DNAJC24: variants seen among roughly 807,000 people sequenced by gnomAD.
DNAJC24 encodes the protein dnaJ homolog subfamily C member 24.
A neutral mutation model predicts 18.0 loss-of-function variants in DNAJC24; 17 were observed. The observed-to-expected ratio is 0.94, with a 90% CI of 0.65 to 1.42. The LOEUF (loss-of-function observed/expected upper bound fraction) is 1.42. DNAJC24 is among the 40% of genes most tolerant of loss of function. DNAJC24 has a pLI of 0.00. For synonymous variants in DNAJC24, 55 were observed against 57.7 expected (o/e 0.95, Z 0.21); for missense variants, 158 against 175.6 (o/e 0.90, Z 0.57).
chr11:31,407,687 A>C (rs1952668576), intron 2 of DNAJC24: 2 of 116,120 alleles, frequency 1.7e-5, no homozygotes, highest in Admixed American at 1.0e-4. Context: ...CCCATCTCAA[A>C]AAAAAAAAAA....
At chr11:31,420,644 A>C (rs1181489200) in intron 3 of DNAJC24, among the ~76,000 whole-genome samples, 1 of 152,154 alleles carries the variant, frequency 6.6e-6, no homozygotes, top group African/African-American at 2.4e-5. Context: ...AGTTCTTTTA[A>C]ACATTGTTTA....
At chr11:31,388,176 G>A (rs764022051) in intron 2 of DNAJC24, among the ~76,000 whole-genome samples, 3 of 152,166 alleles carry the variant, frequency 2.0e-5, no homozygotes, top group African/African-American at 4.8e-5. Flanking sequence ...GAGGTAGAGA[G>A]AGAGAGGCGT....
At chr11:31,400,859 C>A (rs1201500895) in intron 2 of DNAJC24, among the ~76,000 whole-genome samples, 5 of 152,126 alleles carry the variant, frequency 3.3e-5, no homozygotes, top group Non-Finnish European at 7.4e-5. Flanking sequence ...AAGTGCAACA[C>A]AAGCCAAAAT....
chr11:31,414,039 T>G (rs1815498787), intron 2 of DNAJC24, among the ~76,000 whole-genome samples: 1 of 152,186 alleles, frequency 6.6e-6, no homozygotes, highest in Non-Finnish European at 1.5e-5. Flanking sequence ...TTTAGTGAGC[T>G]ACATGTATAT....
chr11:31,383,864 G>T (rs146648129), intron 2 of DNAJC24, among the ~76,000 whole-genome samples: 121 of 152,266 alleles, frequency 7.9e-4, no homozygotes, highest in Non-Finnish European at 1.5e-3. Flanking sequence ...TTTGTTTTCT[G>T]TTCTAATAAT....
intron 2 of DNAJC24, among the ~76,000 whole-genome samples, chr11:31,381,983 A>G (rs1402420529): frequency 6.6e-6 from 1 of 152,188 alleles, no homozygotes; most frequent in Non-Finnish European, 1.5e-5. Context: ...TATATATTCG[A>G]ATCTGTTTAT....
intron 2 of DNAJC24, among the ~76,000 whole-genome samples, chr11:31,397,480 T>G (rs761196003): frequency 1.9e-5 from 1 of 53,250 alleles, no homozygotes; most frequent in Non-Finnish European, 3.6e-5. Context: ...CTTTGTGATT[T>G]TTTTTTTTTT....
At chr11:31,414,099 G>T (rs1952733732) in intron 2 of DNAJC24, among the ~76,000 whole-genome samples, 1 of 152,128 alleles carries the variant, frequency 6.6e-6, no homozygotes, top group Non-Finnish European at 1.5e-5. Flanking sequence ...TTTTGACCCA[G>T]TAGTATAAAT....
At chr11:31,411,883 T>C (rs1415597215) in intron 2 of DNAJC24, among the ~76,000 whole-genome samples, 1 of 152,214 alleles carries the variant, frequency 6.6e-6, no homozygotes, top group African/African-American at 2.4e-5. Context: ...CTCCTTTTCT[T>C]AGACCTTCAC....
At chr11:31,378,730 G>A (rs1377300560) in intron 2 of DNAJC24, among the ~76,000 whole-genome samples, 1 of 151,794 alleles carries the variant, frequency 6.6e-6, no homozygotes, top group African/African-American at 2.4e-5. Context: ...TATTATTTAT[G>A]TTAAAGGTAC....
At chr11:31,399,437 C>T (rs1236628117) in intron 2 of DNAJC24, among the ~76,000 whole-genome samples, 6 of 132,790 alleles carry the variant, frequency 4.5e-5, no homozygotes, top group African/African-American at 8.5e-5. Flanking sequence ...TTTTTTGAGA[C>T]GGAGTCTCGC....
intron 3 of DNAJC24, among the ~76,000 whole-genome samples, chr11:31,418,958 A>G (rs958610765): frequency 6.6e-6 from 1 of 152,148 alleles, no homozygotes; most frequent in Non-Finnish European, 1.5e-5. Context: ...ACCAACAAGT[A>G]TCAGATAAAT....
Position 31,414,931 on chromosome 11 carries a change from T to A in DNAJC24, c.232T>A (p.Tyr78Asn). ...ILGNEETKREYDLQRCEDDLR... is the reference protein window; with the variant it reads ...ILGNEETKRENDLQRCEDDLR... Reference sequence around the variant, plus strand: ...AGGAAATGAAGAGACAAAAAGAGAGTATGACCTGCAGCGGTGTGGTAGGTG... The same window carrying A: ...AGGAAATGAAGAGACAAAAAGAGAGAATGACCTGCAGCGGTGTGGTAGGTG... Residue 78 changes from tyrosine to asparagine, a missense_variant, in exon 3 of 5, where the codon TAT becomes AAT. By Grantham distance (143) the Tyr-to-Asn change is moderately radical. Transcript: ENST00000465995. 6.2e-7 allele frequency: 1 copy of A among 1,613,420 alleles called. No individual in the cohort carries two copies. The highest frequency in any genetic ancestry group is 8.5e-7 in the Non-Finnish European group (1 of 1,179,812).
intron 2 of DNAJC24, among the ~76,000 whole-genome samples, chr11:31,405,332 AGT>A (rs1225360832): frequency 1.3e-5 from 2 of 150,260 alleles, no homozygotes; most frequent in Non-Finnish European, 3.0e-5. Context: ...GGCCTCCCAA[AGT>A]GCTGGGATTA....
chr11:31,393,266 A>T (rs1351193197), intron 2 of DNAJC24, among the ~76,000 whole-genome samples: 1 of 152,126 alleles, frequency 6.6e-6, no homozygotes, highest in African/African-American at 2.4e-5. Flanking sequence ...AGCCCCTACA[A>T]GGAGGAGTGA....
intron 4 of DNAJC24, among the ~76,000 whole-genome samples, chr11:31,429,139 A>T (rs1952893299): frequency 6.6e-6 from 1 of 152,118 alleles, no homozygotes; most frequent in Non-Finnish European, 1.5e-5. Context: ...TTCAAGATTA[A>T]ATTATTTTTC....
At chr11:31,372,491 T>C (rs1472340947) in intron 2 of DNAJC24, among the ~76,000 whole-genome samples, 1 of 135,252 alleles carries the variant, frequency 7.4e-6, no homozygotes, top group African/African-American at 2.5e-5. Context: ...CAAGTAGACT[T>C]TATTGAAAAA....
rs558527888 is a variant in DNAJC24, at chr11:31,397,012, T to A, written c.112-17799T>A. Among the ~76,000 whole-genome samples, 3 of 152,338 alleles carry A rather than the reference T, an allele frequency of 2.0e-5. No individual in the cohort carries two copies. In the South Asian group the frequency reaches 6.2e-4, roughly 32 times the overall value. On this transcript the variant is annotated intron_variant, in intron 2 of 4. Transcript: ENST00000465995. ...GTTTCTCCATAGCCAACTCTATGCA[T>A]CCTTCAAAACCTAGTCATATATCAC...
At chr11:31,404,672 G>A (rs1952637174) in intron 2 of DNAJC24, among the ~76,000 whole-genome samples, 1 of 152,124 alleles carries the variant, frequency 6.6e-6, no homozygotes, top group Non-Finnish European at 1.5e-5. Context: ...AGTGCCTCAA[G>A]CAATAGTGAT....
Sources: allele counts gnomAD v4.1 joint callset (sites outside exome capture counted in the v4.1 genomes callset), GRCh38; gene constraint gnomAD v4.1.1; transcripts MANE v1.5; gene names NCBI Gene and HGNC (gene_info 2026-07-23, HGNC 2026-07-21).